NACA: variants seen among roughly 807,000 people sequenced by gnomAD.
NACA encodes nascent polypeptide associated complex subunit alpha.
NACA carries 42 observed loss-of-function variants against 86.4 expected under a neutral mutation model. That is an observed-to-expected ratio of 0.49 (90% confidence interval 0.38 to 0.63). The LOEUF is 0.63. Among genes scored for constraint, NACA ranks in the 20% least tolerant of loss-of-function variants. The probability of loss-of-function intolerance (pLI) is 0.00; values close to 1 mark genes in which losing one functional copy is unlikely to be tolerated. For missense variants in NACA, 2,157 were observed against 2,483.6 expected, an observed-to-expected ratio of 0.87 and a Z score of 2.80; for synonymous variants, 898 against 973.7, an observed-to-expected ratio of 0.92 and a Z score of 1.45.
chr12:56,724,575 T>C lies in NACA; in HGVS notation c.-2-52A>G, dbSNP rs887256624. 25 of 1,554,390 alleles carry C rather than the reference T, an allele frequency of 1.6e-5. No homozygotes were observed. In the African/African-American group the frequency reaches 3.1e-4, roughly 20 times the overall value. ...CTAAATTGATTGGGATACATTCACTTGCCCAACCCGGAGATAAGTATTCTT... is the reference window on the plus strand; with the variant it reads ...CTAAATTGATTGGGATACATTCACTCGCCCAACCCGGAGATAAGTATTCTT... On this transcript the variant is annotated intron_variant, in intron 1 of 8. Transcript: ENST00000454682.
rs754738589 is a variant in NACA, at chr12:56,716,387, G to T, written c.5143C>A (p.Pro1715Thr). The T allele has an allele frequency of 1.9e-6, 3 of 1,609,352 alleles. No homozygotes were observed. Among genetic ancestry groups the T allele is most frequent in the African/African-American group, 2.7e-5 (2 of 74,866 alleles). ...TTAGCTGAGGGATCTGGGCATATAG[G>T]AGGTGAAGTAGCAGAACTCTTTTTG... ...QTKKSSATSP[P>T]ICPDPSAKNG... is the part of the protein sequence containing the mutation. The change falls in exon 3 of 9, where the codon CCT (proline) becomes ACT (threonine). Residue 1715 changes from proline (P) to threonine (T), a missense_variant. Around this residue, in one of 8 missense-constraint regions of NACA, gnomAD observed 797 missense variants for 777.6 expected, o/e 1.02. Coordinates refer to ENST00000454682, the MANE Select transcript of NACA (RefSeq NM_001365896.1).
intron 3 of NACA, 50 bp downstream of exon 3, chr12:56,715,821 G>C (rs780745503): frequency 2.8e-6 from 4 of 1,444,274 alleles, no homozygotes; most frequent in East Asian, 4.6e-5. Context: ...GCGCCCAAGA[G>C]GGGTGTGGAC....
rs1386553349 is a variant in NACA at position 56,724,443 on chromosome 12, G to A, written c.70+9C>T. The A allele has an allele frequency of 1.9e-6, 3 of 1,607,170 alleles. No homozygotes were observed. Among genetic ancestry groups the A allele is most frequent in the Non-Finnish European group, 2.5e-6 (3 of 1,176,836 alleles). ...TTTAATTAATGGCAAGGAGGGTAGG[G>A]AAACCTACCTGTCTCAGCCTGGGGC... On this transcript the variant is annotated intron_variant, in intron 2 of 8. Transcript: ENST00000454682.
chr12:56,713,399 C>A, intron 6 of NACA, 138 bp downstream of exon 6: 1 of 1,288,244 alleles, frequency 7.8e-7, no homozygotes, highest in Non-Finnish European at 1.1e-6. Context: ...AGATATATGG[C>A]AATGGAGTTT....
Position 56,716,065 on chromosome 12 carries a change from C to A in NACA, c.5465G>T (p.Gly1822Val). The A allele has an allele frequency of 5.0e-6, 8 of 1,612,306 alleles. No individual in the cohort carries two copies. Among genetic ancestry groups the A allele is most frequent in the Non-Finnish European group, 6.8e-6 (8 of 1,178,966 alleles). ...PKQQFLPSSPGLVLESPSKPL... is the reference protein window; with the variant it reads ...PKQQFLPSSPVLVLESPSKPL... ...TTTAGAGGGTGATTCCAACACCAGC[C>A]CAGGAGAGGACGGCAGAAATTGCTG... Residue 1822 changes from glycine (G) to valine (V), a missense_variant, in exon 3 of 9, where the codon GGG (glycine) becomes GTG (valine). Gly to Val is a moderately radical substitution (Grantham distance 109). Transcript: ENST00000454682.
In NACA at chr12:56,721,270, G is replaced by A. The variant is rs776662204; in HGVS notation, c.260C>T (p.Ser87Phe). The A allele has an allele frequency of 6.2e-7, 1 of 1,613,270 alleles. No homozygotes were observed. The highest frequency in any genetic ancestry group is 8.5e-7 in the Non-Finnish European group (1 of 1,179,566). Residue 87 changes from serine to phenylalanine, a missense_variant, in exon 3 of 9, where the codon TCT becomes TTT. Transcript: ENST00000454682. ...AGTTCCCAAAGGTAGGGCTGTTCCA[G>A]AGGATGACTGGGGAAAAGGAACTTC... ...PLEVPFPQSS[S>F]GTALPLGTAP...
rs1359720263 is a variant in NACA, at chr12:56,716,285, C to T, written c.5245G>A (p.Ala1749Thr). 1.2e-6 allele frequency: 2 copies of T among 1,613,230 alleles called. No individual in the cohort carries two copies. The highest frequency in any genetic ancestry group is 1.3e-5 in the African/African-American group (1 of 74,926). Residue 1749 changes from alanine to threonine, a missense_variant, in exon 3 of 9, where the codon GCA becomes ACA. Around this residue, in one of 8 missense-constraint regions of NACA, gnomAD observed 797 missense variants for 777.6 expected, o/e 1.02. Coordinates refer to ENST00000454682, the MANE Select transcript of NACA (RefSeq NM_001365896.1). ...LPVQKDSSKT[A>T]KGKDASHSPK... ...GAATGAGAAGCATCTTTGCCTTTTGCTGTCTTTGAAGAGTCTTTCTGAACA... is the reference window on the plus strand; with the variant it reads ...GAATGAGAAGCATCTTTGCCTTTTGTTGTCTTTGAAGAGTCTTTCTGAACA...
chr12:56,713,532 C>T lies in NACA; in HGVS notation c.5970+5G>A. On this transcript the variant is annotated splice_donor_5th_base_variant and intron_variant, in intron 6 of 8. Transcript: ENST00000454682. ...TGGAACAATGCCCAAGAAAAGTTTA[C>T]TCACCTTGGCTTCCCCAAAAACTAT... The T allele has an allele frequency of 2.5e-6, 4 of 1,613,376 alleles. No homozygotes were observed. Among genetic ancestry groups the T allele is most frequent in the Non-Finnish European group, 3.4e-6 (4 of 1,179,592 alleles).
At chr12:56,714,750 C>T (rs1953307107) in intron 3 of NACA, 63 bp from the exon 4 acceptor site, 2 of 1,463,936 alleles carry the variant, frequency 1.4e-6, no homozygotes, top group Admixed American at 1.7e-5. Context: ...TACTTCACCA[C>T]AGCCTGCCCT....
chr12:56,714,112 G>T, intron 5 of NACA: 1 of 490,512 alleles, frequency 2.0e-6, no homozygotes, highest in African/African-American at 1.9e-5. Context: ...CTTCCAGTGT[G>T]CTGGGATAAC....
Position 56,715,954 on chromosome 12 carries a change from A to G in NACA, c.5576T>C (p.Leu1859Pro), listed in dbSNP as rs1481390597. The G allele has an allele frequency of 2.6e-6, 4 of 1,544,070 alleles. No homozygotes were observed. Among genetic ancestry groups the G allele is most frequent in the South Asian group, 2.5e-5 (2 of 80,416 alleles). Residue 1859 changes from leucine to proline, a missense_variant, in exon 3 of 9, where the codon CTC becomes CCC. Leu to Pro is a moderately conservative substitution (Grantham distance 98). Transcript: ENST00000454682. ...ISGGVPFQSVLVNMPTPKSAG... is the reference protein window; with the variant it reads ...ISGGVPFQSVPVNMPTPKSAG... ...AGATTTAGGGGTGGGCATGTTGACGAGGACCGACTGGAAAGGCACTCCCCC... is the reference window on the plus strand; with the variant it reads ...AGATTTAGGGGTGGGCATGTTGACGGGGACCGACTGGAAAGGCACTCCCCC...
intron 2 of NACA, among the ~76,000 whole-genome samples, chr12:56,723,800 A>G (rs1160084224): frequency 6.6e-6 from 1 of 152,182 alleles, no homozygotes; most frequent in African/African-American, 2.4e-5. Context: ...TTCTACAGAG[A>G]TATGTTTTAA....
At position 56,720,579 on chromosome 12, in the gene NACA, A is replaced by G. The variant is rs1953544100; in HGVS notation, c.951T>C (p.Phe317=). ...TTTGACCTAAAAGTTGGACAGAACC[A>G]AAAGAACTCTGATGTAAAGGTGCAA... The part of the protein sequence containing the change: ...SHLAPLHQSS[F]GSVQLLGQTG... The change falls in exon 3 of 9, where the codon TTT becomes TTC. Residue 317 remains phenylalanine, a synonymous_variant. Coordinates refer to ENST00000454682, the MANE Select transcript of NACA (RefSeq NM_001365896.1). 2 of 1,614,032 alleles carry G rather than the reference A, an allele frequency of 1.2e-6. No homozygotes were observed. The highest frequency in any genetic ancestry group is 8.5e-7 in the Non-Finnish European group (1 of 1,179,902).
In NACA at chr12:56,716,591, G is replaced by A. The variant is rs766437115; in HGVS notation, c.4939C>T (p.Leu1647Phe). Residue 1647 changes from leucine to phenylalanine, a missense_variant, in exon 3 of 9, where the codon CTC (leucine) becomes TTC (phenylalanine). This residue lies in a region of NACA where 797 missense variants were observed against 777.6 expected (regional missense o/e 1.02). Transcript: ENST00000454682. ...PTSPPVTPSS[L>F]KDSPTSPASV... ...GCTGGGGAAGTAGGGGAGTCTTTGA[G>A]GGAGGAAGGAGTCACAGGTGGGGAA... 1.4e-6 allele frequency: 2 copies of A among 1,453,844 alleles called. No individual in the cohort carries two copies. Among genetic ancestry groups the A allele is most frequent in the Non-Finnish European group, 1.9e-6 (2 of 1,075,922 alleles). The allele number at this position is 1,453,844 out of a possible 1,614,324, so 90.1% of individuals were successfully genotyped here. A position where few individuals can be genotyped will look rare whatever the true frequency, so the allele number is the denominator to read the frequency against.
rs1162436341 is a variant in NACA, at chr12:56,719,104, G to C, written c.2426C>G (p.Pro809Arg). 1.4e-6 allele frequency: 2 copies of C among 1,453,126 alleles called. No homozygotes were observed. Among genetic ancestry groups the C allele is most frequent in the Admixed American group, 3.6e-5 (2 of 55,126 alleles). The allele number at this position is 1,453,126 out of a possible 1,614,324, so 90.0% of individuals were successfully genotyped here. A position where few individuals can be genotyped will look rare whatever the true frequency, so the allele number is the denominator to read the frequency against. ...AGGGCCAGCAGAACCCTTCTTGGTT[G>C]GAGGTCTTTTAGTCTGAGGAGACAC... ...VSVSPQTKRP[P>R]TKKGSAGPDT... is the part of the protein sequence containing the mutation. The change falls in exon 3 of 9, where the codon CCA (proline) becomes CGA (arginine). Residue 809 changes from proline (P) to arginine (R), a missense_variant. Transcript: ENST00000454682.
rs1953543285 is a variant in NACA at position 56,720,553 on chromosome 12, G to A, written c.977C>T (p.Thr326Ile). Residue 326 changes from threonine to isoleucine, a missense_variant, in exon 3 of 9, where the codon ACA becomes ATA. Thr to Ile is a moderately conservative substitution (Grantham distance 89). This residue lies in a region of NACA where 947 missense variants were observed against 917.9 expected (regional missense o/e 1.03). Coordinates refer to ENST00000454682, the MANE Select transcript of NACA (RefSeq NM_001365896.1). ...AGGGTCTGACAAAGCACTAGGACCT[G>A]TTTGACCTAAAAGTTGGACAGAACC... ...SFGSVQLLGQTGPSALSDPTV... is the reference protein window; with the variant it reads ...SFGSVQLLGQIGPSALSDPTV... 6.2e-7 allele frequency: 1 copy of A among 1,613,976 alleles called. No individual in the cohort carries two copies. Among genetic ancestry groups the A allele is most frequent in the Admixed American group, 1.7e-5 (1 of 60,016 alleles).
chr12:56,715,776 A>C, intron 3 of NACA, 95 bp downstream of exon 3: 1 of 1,105,326 alleles, frequency 9.0e-7, no homozygotes, highest in East Asian at 2.5e-5. Flanking sequence ...TTCACTGGAG[A>C]AAGCGGCGCA....
At position 56,713,736 on chromosome 12, in the gene NACA, A is replaced by G. The variant is rs1248524737; in HGVS notation, c.5824-53T>C. The G allele has an allele frequency of 5.1e-6, 8 of 1,554,640 alleles. No homozygotes were observed. The East Asian group carries it at 1.8e-4, about 35-fold the overall frequency. ...TTCAACCTCTTTAGAAGCAGCCTAAAGAAGCAAGGAACATAATACAACATC... is the reference window on the plus strand; with the variant it reads ...TTCAACCTCTTTAGAAGCAGCCTAAGGAAGCAAGGAACATAATACAACATC... On this transcript the variant is annotated intron_variant, in intron 5 of 8. Coordinates refer to ENST00000454682, the MANE Select transcript of NACA (RefSeq NM_001365896.1).
At position 56,717,106 on chromosome 12, in the gene NACA, G is replaced by C; in HGVS notation, c.4424C>G (p.Pro1475Arg). Residue 1475 changes from proline (P) to arginine (R), a missense_variant, in exon 3 of 9, where the codon CCC (proline) becomes CGC (arginine). Physicochemically the swap from Pro to Arg is moderately radical, Grantham distance 103 (BLOSUM62 -2). This residue lies in a region of NACA where 797 missense variants were observed against 777.6 expected (regional missense o/e 1.02). Transcript: ENST00000454682. ...PTLPAVTPPSPKEPPAPKQVA... is the reference protein window; with the variant it reads ...PTLPAVTPPSRKEPPAPKQVA... The stretch of plus-strand genomic sequence containing the variant: ...TTGTTTGGGGGCTGGGGGCTCCTTG[G>C]GGGAAGGAGGAGTCACTGCTGGGAG... The C allele has an allele frequency of 7.9e-7, 1 of 1,267,574 alleles. No homozygotes were observed. The highest frequency in any genetic ancestry group is 1.7e-5 in the South Asian group (1 of 58,340). 78.5% of individuals were successfully genotyped at this position (1,267,574 alleles called of 1,614,324 possible).
Sources: allele counts gnomAD v4.1 joint callset (sites outside exome capture counted in the v4.1 genomes callset), GRCh38; gene constraint gnomAD v4.1.1; regional missense constraint gnomAD v4.1.1; transcripts MANE v1.5; gene names NCBI Gene and HGNC (gene_info 2026-07-23, HGNC 2026-07-21).